ACSL1: variants seen among roughly 807,000 people sequenced by gnomAD.
ACSL1 encodes the protein long-chain-fatty-acid--CoA ligase 1.
A neutral mutation model predicts 98.4 loss-of-function variants in ACSL1; 41 were observed. The ratio of observed to expected loss-of-function variants is 0.42; its 90% confidence interval spans 0.32 to 0.54. The LOEUF (loss-of-function observed/expected upper bound fraction) is 0.54, where lower values mean the gene tolerates loss of function less well. ACSL1 is among the 20% of genes least tolerant of loss of function. The pLI is 0.13. For missense variants in ACSL1, 734 were observed against 883.1 expected (o/e 0.83, Z 2.14); for synonymous variants, 316 against 322.7 (o/e 0.98, Z 0.22).
chr4:184,794,360 A>G (rs930287554), intron 2 of ACSL1, among the ~76,000 whole-genome samples: 1 of 152,116 alleles, frequency 6.6e-6, no homozygotes, highest in Non-Finnish European at 1.5e-5. Context: ...CTAAATGACA[A>G]TGGACAGATA....
intron 18 of ACSL1, 113 bp from the exon 19 acceptor site, chr4:184,758,033 T>G (rs1762347424): frequency 9.7e-7 from 1 of 1,029,454 alleles, no homozygotes. Context: ...AAGTTATGGC[T>G]CATCTATTCA....
intron 2 of ACSL1, among the ~76,000 whole-genome samples, chr4:184,801,643 A>G (rs1443894532): frequency 6.6e-6 from 1 of 152,256 alleles, no homozygotes; most frequent in Non-Finnish European, 1.5e-5. Context: ...AAAAAGGCAA[A>G]GCAAGCTCAG....
chr4:184,811,209 C>G (rs4862424), intron 1 of ACSL1, among the ~76,000 whole-genome samples: 1 of 151,908 alleles, frequency 6.6e-6, no homozygotes, highest in East Asian at 1.9e-4. Context: ...TCTGGGTTCA[C>G]GCCATTCTCC....
intron 1 of ACSL1, chr4:184,805,877 G>A (rs2150457073): frequency 6.6e-6 from 1 of 152,292 alleles, no homozygotes; most frequent in African/African-American, 2.4e-5. Flanking sequence ...TTTTCTTTCT[G>A]CTCAGCTTCC....
chr4:184,764,689 G>A (rs1763319456), intron 15 of ACSL1, among the ~76,000 whole-genome samples, 164 bp downstream of exon 15: 1 of 152,118 alleles, frequency 6.6e-6, no homozygotes, highest in Admixed American at 6.5e-5. Context: ...TCCCCACAGT[G>A]CCCTGACTTA....
chr4:184,772,648 T>A, intron 10 of ACSL1, among the ~76,000 whole-genome samples: 1 of 152,226 alleles, frequency 6.6e-6, no homozygotes, highest in Non-Finnish European at 1.5e-5. Flanking sequence ...CTACTTCTAG[T>A]GCAATGGAAG....
At chr4:184,808,192 G>A in intron 1 of ACSL1, 1 of 558,310 alleles carries the variant, frequency 1.8e-6, no homozygotes, top group African/African-American at 2.1e-5. Context: ...CAGGGCCAGA[G>A]GTGACTCACA....
intron 1 of ACSL1, chr4:184,815,091 C>A: frequency 2.2e-6 from 1 of 456,168 alleles, no homozygotes; most frequent in South Asian, 1.5e-5. Flanking sequence ...ATCTGATAAC[C>A]ACGGCAGGTA....
intron 3 of ACSL1, among the ~76,000 whole-genome samples, chr4:184,784,902 C>G (rs1277252238): frequency 1.3e-5 from 2 of 152,194 alleles, no homozygotes; most frequent in African/African-American, 4.8e-5. Flanking sequence ...GGACCCTCTC[C>G]CATTTACAGA....
At position 184,813,963 on chromosome 4, in the gene ACSL1, A is replaced by G. The variant is rs1772370035; in HGVS notation, c.-32-10417T>C. 1.8e-5 allele frequency: 8 copies of G among 441,042 alleles called. No homozygotes were observed. In the Middle Eastern group the frequency reaches 1.5e-3, roughly 84 times the overall value. The allele number at this position is 441,042 out of a possible 1,614,324, so 27.3% of individuals were successfully genotyped here. Reference sequence around the variant, plus strand: ...CTCTGCCCAAAGTCAGGATCTTCCCATCTTCCCGTGGTGACTATGGAAATA... The same window carrying G: ...CTCTGCCCAAAGTCAGGATCTTCCCGTCTTCCCGTGGTGACTATGGAAATA... On this transcript the variant is annotated intron_variant, in intron 1 of 20. Transcript: ENST00000281455.
At chr4:184,791,312 C>T (rs1371488204) in intron 2 of ACSL1, among the ~76,000 whole-genome samples, 1 of 152,194 alleles carries the variant, frequency 6.6e-6, no homozygotes, top group Non-Finnish European at 1.5e-5. Context: ...CTCTAAGTGA[C>T]CACAGGGACT....
chr4:184,797,918 C>T (rs73012236), intron 2 of ACSL1, among the ~76,000 whole-genome samples: 24 of 152,332 alleles, frequency 1.6e-4, no homozygotes, highest in African/African-American at 5.5e-4. Context: ...CCCAAAGCGC[C>T]ACATCCTCTG....
At chr4:184,808,832 A>G (rs1372797521) in intron 1 of ACSL1, among the ~76,000 whole-genome samples, 1 of 152,230 alleles carries the variant, frequency 6.6e-6, no homozygotes, top group Non-Finnish European at 1.5e-5. Context: ...AAGAGATGCC[A>G]GTCTCCCAGC....
intron 3 of ACSL1, among the ~76,000 whole-genome samples, chr4:184,784,984 C>T (rs1766969650): frequency 6.6e-6 from 1 of 152,152 alleles, no homozygotes; most frequent in South Asian, 2.1e-4. Context: ...ATTGCATTAG[C>T]CATATGAAAT....
At chr4:184,809,313 T>C (rs1272245018) in intron 1 of ACSL1, among the ~76,000 whole-genome samples, 5 of 152,160 alleles carry the variant, frequency 3.3e-5, no homozygotes, top group East Asian at 1.9e-4. Flanking sequence ...ACCATTCACA[T>C]TGGTCACAAA....
chr4:184,810,998 C>T (rs1772005823), intron 1 of ACSL1, among the ~76,000 whole-genome samples: 2 of 152,328 alleles, frequency 1.3e-5, no homozygotes, highest in Middle Eastern at 3.4e-3. Flanking sequence ...GAAGCCAAAG[C>T]CCACAGACCT....
chr4:184,781,782 G>C (rs1561203932), intron 4 of ACSL1, among the ~76,000 whole-genome samples: 1 of 152,016 alleles, frequency 6.6e-6, no homozygotes, highest in Non-Finnish European at 1.5e-5. Context: ...GCTGATTTTT[G>C]TATTTTTCAG....
At chr4:184,788,048 C>G (rs541733251) in intron 3 of ACSL1, among the ~76,000 whole-genome samples, 47 of 152,220 alleles carry the variant, frequency 3.1e-4, no homozygotes, top group South Asian at 8.3e-4. Context: ...TGGGAGAGAG[C>G]AGAGGTAGTC....
chr4:184,770,832 A>C (rs1325457017), intron 10 of ACSL1, among the ~76,000 whole-genome samples: 1 of 152,254 alleles, frequency 6.6e-6, no homozygotes, highest in Non-Finnish European at 1.5e-5. Flanking sequence ...CCAAAGAATA[A>C]AATGAAAAAC....
Sources: gnomAD v4.1 joint callset for allele counts (sites outside exome capture counted in the v4.1 genomes callset) on GRCh38, gnomAD v4.1.1 for gene constraint, MANE v1.5 for transcripts, NCBI Gene and HGNC (gene_info 2026-07-23, HGNC 2026-07-21) for gene names.